Variants in GBE1 observed in about 807,000 individuals in gnomAD.
The protein encoded by GBE1 is 1,4-alpha-glucan-branching enzyme.
GBE1 carries 70 observed loss-of-function variants against 88.8 expected under a neutral mutation model. The observed-to-expected ratio is 0.79, with a 90% CI of 0.65 to 0.96. The LOEUF is 0.96. Among genes scored for constraint, GBE1 ranks in the 40% least tolerant of loss-of-function variants. GBE1 has a pLI of 0.00. For missense variants in GBE1, 872 were observed against 871.0 expected, an observed-to-expected ratio of 1.00 and a Z score of -0.01; for synonymous variants, 284 against 300.1, an observed-to-expected ratio of 0.95 and a Z score of 0.56.
At chr3:81,712,074 G>C (rs1160558332) in intron 1 of GBE1, among the ~76,000 whole-genome samples, 1 of 152,218 alleles carries the variant, frequency 6.6e-6, no homozygotes, top group Admixed American at 6.5e-5. Context: ...CTGGCCATCA[G>C]AGAAATGCAA....
intron 7 of GBE1, among the ~76,000 whole-genome samples, chr3:81,639,194 T>C (rs1704634078): frequency 6.6e-6 from 1 of 152,180 alleles, no homozygotes; most frequent in South Asian, 2.1e-4. Context: ...TTTCTATGCA[T>C]GTAAGGAATA....
At chr3:81,741,553 G>A (rs1198757496) in intron 1 of GBE1, among the ~76,000 whole-genome samples, 1 of 151,850 alleles carries the variant, frequency 6.6e-6, no homozygotes, top group African/African-American at 2.4e-5. Context: ...ATGTTATGAT[G>A]AGTATCCCCA....
chr3:81,716,289 A>C (rs1359564144), intron 1 of GBE1, among the ~76,000 whole-genome samples: 4 of 152,190 alleles, frequency 2.6e-5, no homozygotes, highest in Non-Finnish European at 5.9e-5. Flanking sequence ...TTATGAAGAG[A>C]TCATTAAGTA....
intron 1 of GBE1, among the ~76,000 whole-genome samples, chr3:81,753,303 C>A (rs538000316): frequency 1.3e-5 from 2 of 152,236 alleles, no homozygotes; most frequent in South Asian, 4.1e-4. Context: ...CAGTGGTGAA[C>A]ATAAACTGAT....
chr3:81,613,022 AGAAGAT>A, intron 7 of GBE1: 1 of 606,708 alleles, frequency 1.6e-6, no homozygotes, highest in Non-Finnish European at 2.5e-6. Flanking sequence ...ATGAAGGTGA[AGAAGAT>A]GAAGATGATG....
At chr3:81,679,603 T>C (rs375117613) in intron 2 of GBE1, among the ~76,000 whole-genome samples, 8 of 152,254 alleles carry the variant, frequency 5.3e-5, no homozygotes, top group East Asian at 1.9e-4. Context: ...ATGCAGAATC[T>C]TTCATTATTG....
intron 9 of GBE1, among the ~76,000 whole-genome samples, chr3:81,590,341 G>A (rs1703860784): frequency 6.6e-6 from 1 of 151,984 alleles, no homozygotes; most frequent in African/African-American, 2.4e-5. Context: ...GTTTTAACAT[G>A]CTAAATTCAA....
At chr3:81,616,313 CCA>C (rs1021436123) in intron 7 of GBE1, among the ~76,000 whole-genome samples, 13 of 152,184 alleles carry the variant, frequency 8.5e-5, no homozygotes, top group African/African-American at 3.1e-4. Flanking sequence ...AAGATTTTCT[CCA>C]GTTTTATTTT....
At chr3:81,533,848 G>C (rs1238153329) in intron 14 of GBE1, among the ~76,000 whole-genome samples, 1 of 152,012 alleles carries the variant, frequency 6.6e-6, no homozygotes, top group Non-Finnish European at 1.5e-5. Context: ...GACACTTGGA[G>C]TCATGGCTCT....
At chr3:81,714,892 T>C (rs1173983409) in intron 1 of GBE1, among the ~76,000 whole-genome samples, 1 of 152,112 alleles carries the variant, frequency 6.6e-6, no homozygotes, top group Non-Finnish European at 1.5e-5. Context: ...GGAAACAACC[T>C]AAACACTCCC....
At chr3:81,499,053 T>C (rs1231013676) in intron 15 of GBE1, 57 bp downstream of exon 15, 1 of 928,994 alleles carries the variant, frequency 1.1e-6, no homozygotes, top group African/African-American at 1.9e-5. Context: ...ACAAAAACAT[T>C]ACTATAATAA....
At chr3:81,620,714 T>C (rs1704316900) in intron 7 of GBE1, among the ~76,000 whole-genome samples, 1 of 152,094 alleles carries the variant, frequency 6.6e-6, no homozygotes, top group Non-Finnish European at 1.5e-5. Context: ...TTTGTTTAAG[T>C]AGATTATACT....
At position 81,750,629 on chromosome 3, in the gene GBE1, A is replaced by G. The variant is rs1455170863; in HGVS notation, c.143+10746T>C. Reference sequence around the variant, plus strand: ...TATATATATATATGTATATATATATACGTATATATATATATGTATATATAT... The same window carrying G: ...TATATATATATATGTATATATATATGCGTATATATATATATGTATATATAT... On this transcript the variant is annotated intron_variant, in intron 1 of 15. Transcript: ENST00000429644. Among the ~76,000 whole-genome samples the G allele has an allele frequency of 9.7e-3, 390 of 40,252 alleles. 41 individuals are homozygous for G. Among genetic ancestry groups the G allele is most frequent in the African/African-American group, 0.062 (378 of 6,140 alleles). 26.4% of individuals were successfully genotyped at this position (40,252 alleles called of 152,430 possible).
intron 5 of GBE1, among the ~76,000 whole-genome samples, chr3:81,648,216 G>A (rs933379242): frequency 1.3e-5 from 2 of 151,996 alleles, no homozygotes; most frequent in Non-Finnish European, 2.9e-5. Context: ...AGTCATTGAA[G>A]CAGGTGTTAA....
chr3:81,627,170 T>A (rs1704429397), intron 7 of GBE1, among the ~76,000 whole-genome samples: 1 of 152,198 alleles, frequency 6.6e-6, no homozygotes, highest in African/African-American at 2.4e-5. Context: ...TTTCTACTCA[T>A]CTGGACAAAC....
intron 7 of GBE1, among the ~76,000 whole-genome samples, chr3:81,617,186 TC>T (rs1704260227): frequency 6.6e-6 from 1 of 151,894 alleles, no homozygotes; most frequent in Non-Finnish European, 1.5e-5. Flanking sequence ...GTTTTATTTA[TC>T]CATTCTGATC....
rs1039978945 is a variant in GBE1 at position 81,591,288 on chromosome 3, G to A, written c.1109-124C>T. ...TTATTGTAGCAGTTTAATAACATAA[G>A]CATCAGCAAATATACTGACTTAGAA... On this transcript the variant is annotated intron_variant, in intron 8 of 15. Coordinates refer to ENST00000429644, the MANE Select transcript of GBE1 (RefSeq NM_000158.4). The A allele has an allele frequency of 6.1e-6, 4 of 657,336 alleles. No homozygotes were observed. In the African/African-American group the frequency reaches 7.4e-5, roughly 12 times the overall value. The allele number at this position is 657,336 out of a possible 1,614,324, so 40.7% of individuals were successfully genotyped here.
rs371448838 is a variant in GBE1 at position 81,649,013 on chromosome 3, A to G, written c.556-22T>C. On this transcript the variant is annotated intron_variant, in intron 4 of 15. Transcript: ENST00000429644. ...TAAACTACAGAATATAAAATTATGTATAGAGTTAAGCCAGGAATTCTGGTA... is the reference window on the plus strand; with the variant it reads ...TAAACTACAGAATATAAAATTATGTGTAGAGTTAAGCCAGGAATTCTGGTA... The G allele has an allele frequency of 8.5e-5, 129 of 1,516,978 alleles. No individual in the cohort carries two copies. The highest frequency in any genetic ancestry group is 3.4e-4 in the Admixed American group (17 of 49,674). The allele number at this position is 1,516,978 out of a possible 1,614,324, so 94.0% of individuals were successfully genotyped here. A position where few individuals can be genotyped will look rare whatever the true frequency, so the allele number is the denominator to read the frequency against.
At chr3:81,725,033 C>A (rs1706088195) in intron 1 of GBE1, among the ~76,000 whole-genome samples, 1 of 152,112 alleles carries the variant, frequency 6.6e-6, no homozygotes, top group Admixed American at 6.6e-5. Flanking sequence ...AAACAAAAAA[C>A]CTTTTCATAT....
Sources: allele counts gnomAD v4.1 joint callset (sites outside exome capture counted in the v4.1 genomes callset), GRCh38; gene constraint gnomAD v4.1.1; transcripts MANE v1.5; gene names NCBI Gene and HGNC (gene_info 2026-07-23, HGNC 2026-07-21).